Variants in KIRREL3 observed in about 807,000 individuals in gnomAD.
KIRREL3 encodes the protein kin of IRRE-like protein 3.
Under a neutral mutation model 89.7 loss-of-function variants are expected in KIRREL3, and 36 were observed. The ratio of observed to expected loss-of-function variants is 0.40; its 90% CI spans 0.31 to 0.53. The LOEUF (loss-of-function observed/expected upper bound fraction) is 0.53. Ranked by LOEUF, KIRREL3 falls within the 20% of genes least tolerant of loss-of-function variation. The probability of loss-of-function intolerance (pLI) is 0.49; values close to 1 mark genes in which losing one functional copy is unlikely to be tolerated. For synonymous variants in KIRREL3, 445 were observed against 441.4 expected, an observed-to-expected ratio of 1.01 and a Z score of -0.10; for missense variants, 864 against 1,056.6, an observed-to-expected ratio of 0.82 and a Z score of 2.53.
At chr11:126,435,405 T>C in intron 12 of KIRREL3, 102 bp from the exon 13 acceptor site, 1 of 1,186,640 alleles carries the variant, frequency 8.4e-7, no homozygotes, top group Non-Finnish European at 1.2e-6. Context: ...GAGGGGCTCC[T>C]TTCCCAGTCA....
intron 1 of KIRREL3, among the ~76,000 whole-genome samples, chr11:126,901,537 G>C (rs1164154337): frequency 6.6e-6 from 1 of 152,180 alleles, no homozygotes; most frequent in Non-Finnish European, 1.5e-5. Flanking sequence ...AACGATGGAG[G>C]ATACTGTCTG....
At chr11:126,479,194 CA>C (rs1157831858) in intron 4 of KIRREL3, among the ~76,000 whole-genome samples, 1 of 152,096 alleles carries the variant, frequency 6.6e-6, no homozygotes, top group African/African-American at 2.4e-5. Context: ...GCACTGACTA[CA>C]GTGGAGGGAG....
rs1297543004 is a variant in KIRREL3 at position 126,896,400 on chromosome 11, A to G, written c.55+104055T>C. ...TCCACATTTGACCTTGGTCTCTGAG[A>G]TGCTCTTTGTGGCTCTCCTGTATGC... On this transcript the variant is annotated intron_variant, in intron 1 of 16. Coordinates refer to ENST00000525144, the MANE Select transcript of KIRREL3 (RefSeq NM_032531.4). The surrounding 1 kb of genome is among the most constrained non-coding windows in gnomAD (Gnocchi z 4.1). Among the ~76,000 whole-genome samples, 1 of 152,188 alleles carries G rather than the reference A, an allele frequency of 6.6e-6. No homozygotes were observed. The highest frequency in any genetic ancestry group is 1.5e-5 in the Non-Finnish European group (1 of 68,026).
chr11:126,478,629 ATGCG>A lies in KIRREL3; in HGVS notation c.434-5167_434-5164del, dbSNP rs199888584. On this transcript the variant is annotated intron_variant, in intron 4 of 16. Transcript: ENST00000525144. Reference sequence around the variant, plus strand: ...TGCATGTATATGTGTGTATGTGTGTATGCGTGTGTATGTGTGTATGTATGTGTAT... The same window carrying A: ...TGCATGTATATGTGTGTATGTGTGTATGTGTATGTGTGTATGTATGTGTAT... Among the ~76,000 whole-genome samples the A allele has an allele frequency of 4.9e-3, 735 of 150,162 alleles. 1 individual carries two copies. Among genetic ancestry groups the A allele is most frequent in the African/African-American group, 0.017 (690 of 40,740 alleles).
At chr11:126,460,955 T>G (rs1014789557) in intron 6 of KIRREL3, among the ~76,000 whole-genome samples, 1 of 151,812 alleles carries the variant, frequency 6.6e-6, no homozygotes, top group Admixed American at 6.6e-5. Context: ...GAAGCGAGGG[T>G]GGTGGTGGTG....
Position 126,668,691 on chromosome 11 carries a change from GTTTT to G in KIRREL3, c.56-105783_56-105780del, listed in dbSNP as rs1467597078. On this transcript the variant is annotated intron_variant, in intron 1 of 16. Transcript: ENST00000525144. The surrounding 1 kb of genome is among the most constrained non-coding windows in gnomAD (Gnocchi z 4.4). ...TATAAAGAGCTGTTGGGAAGTTTCT[GTTTT>G]TCTTTCTTTCTTTCTTTCTTTCTTT... Among the ~76,000 whole-genome samples the G allele has an allele frequency of 7.7e-6, 1 of 130,034 alleles. No homozygotes were observed. Among genetic ancestry groups the G allele is most frequent in the Non-Finnish European group, 1.7e-5 (1 of 59,390 alleles). The allele number at this position is 130,034 out of a possible 152,430, so 85.3% of individuals were successfully genotyped here. A position where few individuals can be genotyped will look rare whatever the true frequency, so the allele number is the denominator to read the frequency against.
In KIRREL3 at chr11:126,473,414, C is replaced by T. The variant is rs753719353; in HGVS notation, c.486G>A (p.Ala162=). 28 of 1,584,586 alleles carry T rather than the reference C, an allele frequency of 1.8e-5. No homozygotes were observed. The highest frequency in any genetic ancestry group is 2.2e-5 in the Non-Finnish European group (25 of 1,162,064). The change falls in exon 5 of 17, where the codon GCG becomes GCA. Residue 162 remains alanine (A), a synonymous_variant. Coordinates refer to ENST00000525144, the MANE Select transcript of KIRREL3 (RefSeq NM_032531.4). ...GGCAGGTGAGGTTGAGAGGGTCCCC[C>T]GCACGCAGGCTGATCACAGGGCCCC... ...ILGGPVISLR[A]GDPLNLTCHA... is the part of the protein sequence containing the mutation.
intron 1 of KIRREL3, among the ~76,000 whole-genome samples, chr11:126,841,466 A>T (rs914899990): frequency 1.3e-5 from 2 of 151,818 alleles, no homozygotes; most frequent in Non-Finnish European, 2.9e-5. Context: ...CTAAAAAAAG[A>T]CTCTCCTGTG....
At chr11:126,450,512 T>TGA (rs1491038291) in intron 7 of KIRREL3, among the ~76,000 whole-genome samples, 53 of 148,776 alleles carry the variant, frequency 3.6e-4, no homozygotes, top group African/African-American at 1.3e-3. Flanking sequence ...TGTGCATGTG[T>TGA]GTGTGTGCAT....
At chr11:126,534,875 T>C (rs761241818) in intron 2 of KIRREL3, among the ~76,000 whole-genome samples, 1 of 152,094 alleles carries the variant, frequency 6.6e-6, no homozygotes, top group African/African-American at 2.4e-5. Flanking sequence ...CAGTGGCTGT[T>C]TCTGGCTGGG....
rs1383532258 is a variant in KIRREL3, at chr11:126,459,606, T to C, written c.743-3152A>G. Among the ~76,000 whole-genome samples, 3 of 152,230 alleles carry C rather than the reference T, an allele frequency of 2.0e-5. No homozygotes were observed. The East Asian group carries it at 5.8e-4, about 29-fold the overall frequency. On this transcript the variant is annotated intron_variant, in intron 6 of 16. Transcript: ENST00000525144. This position sits in a 1 kb window ranked among gnomAD's most constrained non-coding sequence, Gnocchi z 4.8. Reference sequence around the variant, plus strand: ...TTAAACATGATTTTAATCTCACTTGTGATGTCGGCAGCATAACTTGCAGGA... The same window carrying C: ...TTAAACATGATTTTAATCTCACTTGCGATGTCGGCAGCATAACTTGCAGGA...
intron 1 of KIRREL3, among the ~76,000 whole-genome samples, chr11:126,657,977 T>C (rs758132437): frequency 3.3e-5 from 5 of 152,132 alleles, no homozygotes; most frequent in African/African-American, 4.8e-5. Flanking sequence ...ATCCCATCAG[T>C]TTCACAGAGA....
Position 126,436,798 on chromosome 11 carries a change from T to C in KIRREL3, c.1552+13A>G. On this transcript the variant is annotated intron_variant, in intron 12 of 16. Transcript: ENST00000525144. ...ATCGTTCGTTGTTCCCTCATGGCCC[T>C]GGCAGCTCTCACCTTGCTCCTTGAG... is the stretch of plus-strand genomic sequence containing the variant. The C allele has an allele frequency of 6.2e-7, 1 of 1,613,234 alleles. No homozygotes were observed. Among genetic ancestry groups the C allele is most frequent in the South Asian group, 1.1e-5 (1 of 91,028 alleles).
rs149643655 is a variant in KIRREL3, at chr11:126,725,947, C to T, written c.56-163035G>A. Among the ~76,000 whole-genome samples the T allele has an allele frequency of 3.3e-5, 5 of 152,318 alleles. No individual in the cohort carries two copies. In the East Asian group the frequency reaches 9.6e-4, roughly 29 times the overall value. On this transcript the variant is annotated intron_variant, in intron 1 of 16. Transcript: ENST00000525144. ...AGTTTCTCTGGTGATGTAAGTTTTC[C>T]AATCAAATTATAATAACCCAAATAG...
chr11:126,730,889 C>T (rs1469724400), intron 1 of KIRREL3, among the ~76,000 whole-genome samples: 1 of 152,138 alleles, frequency 6.6e-6, no homozygotes, highest in Non-Finnish European at 1.5e-5. Context: ...CAGGCACCTG[C>T]CACCACGCCT....
intron 1 of KIRREL3, among the ~76,000 whole-genome samples, chr11:126,910,625 C>T (rs1946778712): frequency 6.6e-6 from 1 of 152,202 alleles, no homozygotes. Context: ...AGTGTATACG[C>T]ATCATATGGA....
rs892915962 is a variant in KIRREL3, at chr11:126,647,099, G to A, written c.56-84187C>T. On this transcript the variant is annotated intron_variant, in intron 1 of 16. Coordinates refer to ENST00000525144, the MANE Select transcript of KIRREL3 (RefSeq NM_032531.4). The surrounding 1 kb of genome is among the most constrained non-coding windows in gnomAD (Gnocchi z 4.9). ...TCATCTTCCAACCACTGACAAACAG[G>A]AGGCTCGGCACTTTTCATTTTAGGC... 1.3e-5 allele frequency among the ~76,000 whole-genome samples: 2 copies of A among 152,178 alleles called. No individual in the cohort carries two copies. The highest frequency in any genetic ancestry group is 2.9e-5 in the Non-Finnish European group (2 of 68,038).
rs970323422 is a variant in KIRREL3, at chr11:126,783,511, C to A, written c.55+216944G>T. 2.6e-5 allele frequency among the ~76,000 whole-genome samples: 4 copies of A among 152,172 alleles called. No individual in the cohort carries two copies. The highest frequency in any genetic ancestry group is 9.7e-5 in the African/African-American group (4 of 41,424). Reference sequence around the variant, plus strand: ...CATAACATATTCTCTTCCAAAAAAGCCACACTAATGAGGGTCTGTCAAAGG... The same window carrying A: ...CATAACATATTCTCTTCCAAAAAAGACACACTAATGAGGGTCTGTCAAAGG... On this transcript the variant is annotated intron_variant, in intron 1 of 16. Transcript: ENST00000525144. The surrounding 1 kb of genome is among the most constrained non-coding windows in gnomAD (Gnocchi z 4.3).
intron 1 of KIRREL3, among the ~76,000 whole-genome samples, chr11:126,894,570 A>G (rs1011001025): frequency 7.1e-6 from 1 of 141,478 alleles, no homozygotes; most frequent in Non-Finnish European, 1.5e-5. Context: ...AAAAAAAAAA[A>G]GGAAAAGAAA....
Sources: gnomAD v4.1 joint callset for allele counts (sites outside exome capture counted in the v4.1 genomes callset) on GRCh38, gnomAD v4.1.1 for gene constraint, Gnocchi (gnomAD v3.1) non-coding constraint, MANE v1.5 for transcripts, NCBI Gene and HGNC (gene_info 2026-07-23, HGNC 2026-07-21) for gene names.